KIRREL3: variants seen among roughly 807,000 people sequenced by gnomAD.
KIRREL3 encodes the protein kin of IRRE-like protein 3.
In KIRREL3, 36 loss-of-function variants were observed where a neutral mutation model predicts 89.7. The ratio of observed to expected loss-of-function variants is 0.40; its 90% confidence interval spans 0.31 to 0.53. The LOEUF is 0.53. Ranked by LOEUF, KIRREL3 falls within the 20% of genes least tolerant of loss-of-function variation. The pLI is 0.49. For missense variants in KIRREL3, 864 were observed against 1,056.6 expected, an observed-to-expected ratio of 0.82 and a Z score of 2.53; for synonymous variants, 445 against 441.4, an observed-to-expected ratio of 1.01 and a Z score of -0.10.
intron 1 of KIRREL3, among the ~76,000 whole-genome samples, chr11:126,586,527 C>G (rs1941866568): frequency 6.6e-6 from 1 of 152,088 alleles, no homozygotes; most frequent in Admixed American, 6.5e-5. Flanking sequence ...CAGTTAGAGG[C>G]ATCGGTGTTG....
chr11:126,822,010 T>C (rs1437316295), intron 1 of KIRREL3, among the ~76,000 whole-genome samples: 2 of 152,160 alleles, frequency 1.3e-5, no homozygotes, highest in African/African-American at 2.4e-5. Flanking sequence ...TTAGTGTTGT[T>C]GTGAGTCACC....
chr11:126,838,874 G>A (rs1006817785), intron 1 of KIRREL3, among the ~76,000 whole-genome samples: 2 of 152,146 alleles, frequency 1.3e-5, no homozygotes, highest in Non-Finnish European at 2.9e-5. Flanking sequence ...AGGTAGCAAA[G>A]TCTCCAAACA....
At position 126,796,790 on chromosome 11, in the gene KIRREL3, C is replaced by A; in HGVS notation, c.55+203665G>T. Among the ~76,000 whole-genome samples the A allele has an allele frequency of 6.6e-6, 1 of 152,140 alleles. No homozygotes were observed. Among genetic ancestry groups the A allele is most frequent in the South Asian group, 2.1e-4 (1 of 4,816 alleles). ...TCCCAGGCTGAAGCTATCCTCCTACCTCAGCCTGGCTGATTTTTTCCCACC... is the reference window on the plus strand; with the variant it reads ...TCCCAGGCTGAAGCTATCCTCCTACATCAGCCTGGCTGATTTTTTCCCACC... On this transcript the variant is annotated intron_variant, in intron 1 of 16. Coordinates refer to ENST00000525144, the MANE Select transcript of KIRREL3 (RefSeq NM_032531.4). The surrounding 1 kb of genome is among the most constrained non-coding windows in gnomAD (Gnocchi z 5.1).
intron 1 of KIRREL3, among the ~76,000 whole-genome samples, chr11:126,654,763 T>C (rs938114236): frequency 4.6e-5 from 7 of 152,248 alleles, no homozygotes; most frequent in African/African-American, 9.6e-5. Context: ...ATCTTTTTTC[T>C]ACACTGCTTC....
rs184256040 is a variant in KIRREL3, at chr11:126,669,300, C to A, written c.56-106388G>T. On this transcript the variant is annotated intron_variant, in intron 1 of 16. Transcript: ENST00000525144. The surrounding 1 kb of genome is among the most constrained non-coding windows in gnomAD (Gnocchi z 5.0). ...GGCACTGAGTGAAGTTTTCCTTCAG[C>A]GTATTTCAAACACGTGCAAGATCTT... Among the ~76,000 whole-genome samples the A allele has an allele frequency of 1.3e-3, 194 of 152,266 alleles. No homozygotes were observed. The highest frequency in any genetic ancestry group is 1.9e-3 in the Non-Finnish European group (128 of 68,020).
At chr11:126,794,415 C>T (rs1039137607) in intron 1 of KIRREL3, among the ~76,000 whole-genome samples, 39 of 152,282 alleles carry the variant, frequency 2.6e-4, no homozygotes, top group East Asian at 7.7e-4. Flanking sequence ...CTGCTCTGAG[C>T]GCTTCGTATA....
At chr11:126,713,199 G>A (rs1453152926) in intron 1 of KIRREL3, among the ~76,000 whole-genome samples, 3 of 152,202 alleles carry the variant, frequency 2.0e-5, no homozygotes, top group African/African-American at 7.2e-5. Context: ...TTTAGGGTAC[G>A]GACTGATGCT....
chr11:126,444,811 G>A (rs1055893773), intron 10 of KIRREL3, among the ~76,000 whole-genome samples, 168 bp downstream of exon 10: 1 of 152,220 alleles, frequency 6.6e-6, no homozygotes, highest in African/African-American at 2.4e-5. Context: ...CTCAGCCTGG[G>A]TCTGACGGGG....
At chr11:126,751,532 A>G (rs1464694673) in intron 1 of KIRREL3, among the ~76,000 whole-genome samples, 1 of 152,206 alleles carries the variant, frequency 6.6e-6, no homozygotes, top group East Asian at 1.9e-4. Context: ...ACATCCAGCC[A>G]TTTGTTAAGA....
chr11:126,813,350 A>C (rs946819719), intron 1 of KIRREL3, among the ~76,000 whole-genome samples: 1 of 152,192 alleles, frequency 6.6e-6, no homozygotes, highest in African/African-American at 2.4e-5. Context: ...CCTGTGTATG[A>C]AACAAATGAA....
chr11:126,435,398 G>A (rs1026366492), intron 12 of KIRREL3, 95 bp from the exon 13 acceptor site: 55 of 1,272,508 alleles, frequency 4.3e-5, no homozygotes, highest in Admixed American at 1.1e-4. Flanking sequence ...GCTGGGTGAG[G>A]GGCTCCTTTC....
In KIRREL3 at chr11:126,808,373, G is replaced by T. The variant is rs1951271315; in HGVS notation, c.55+192082C>A. On this transcript the variant is annotated intron_variant, in intron 1 of 16. Coordinates refer to ENST00000525144, the MANE Select transcript of KIRREL3 (RefSeq NM_032531.4). The surrounding 1 kb of genome is among the most constrained non-coding windows in gnomAD (Gnocchi z 4.1). ...GAGTCATTTCAGCAATTTAGTCCTT[G>T]CTCCAGGGCTAACTCCCCCTCCCCT... 6.6e-6 allele frequency among the ~76,000 whole-genome samples: 1 copy of T among 152,134 alleles called. No homozygotes were observed. The highest frequency in any genetic ancestry group is 2.1e-4 in the South Asian group (1 of 4,824).
chr11:126,676,789 T>A lies in KIRREL3; in HGVS notation c.56-113877A>T, dbSNP rs1186345035. 6.6e-6 allele frequency among the ~76,000 whole-genome samples: 1 copy of A among 152,018 alleles called. No homozygotes were observed. Among genetic ancestry groups the A allele is most frequent in the African/African-American group, 2.4e-5 (1 of 41,410 alleles). On this transcript the variant is annotated intron_variant, in intron 1 of 16. Transcript: ENST00000525144. The surrounding 1 kb of genome is among the most constrained non-coding windows in gnomAD (Gnocchi z 4.5). ...TTTATTTTTCTTTAGAGCTGATTTT[T>A]TTTTTTTCCTTTTGAGACAGAGTCT...
At chr11:126,536,746 G>A (rs1398817794) in intron 2 of KIRREL3, among the ~76,000 whole-genome samples, 1 of 146,002 alleles carries the variant, frequency 6.8e-6, no homozygotes, top group Non-Finnish European at 1.5e-5. Flanking sequence ...TTGGATTCAA[G>A]TGATTTTCCT....
At chr11:126,901,943 C>T (rs1414596226) in intron 1 of KIRREL3, among the ~76,000 whole-genome samples, 4 of 152,310 alleles carry the variant, frequency 2.6e-5, no homozygotes, top group East Asian at 1.9e-4. Context: ...CAGGTGGCTT[C>T]GGGCACACCC....
rs1443136585 is a variant in KIRREL3 at position 126,622,046 on chromosome 11, G to C, written c.56-59134C>G. 6.6e-6 allele frequency among the ~76,000 whole-genome samples: 1 copy of C among 152,144 alleles called. No individual in the cohort carries two copies. Among genetic ancestry groups the C allele is most frequent in the Admixed American group, 6.5e-5 (1 of 15,270 alleles). On this transcript the variant is annotated intron_variant, in intron 1 of 16. Coordinates refer to ENST00000525144, the MANE Select transcript of KIRREL3 (RefSeq NM_032531.4). This position sits in a 1 kb window ranked among gnomAD's most constrained non-coding sequence, Gnocchi z 5.2. ...CTGGACAGTTGAGGTGCTGCCCATG[G>C]GCTGGGTGAATGGTGGTGGGTGTGG...
rs548468087 is a variant in KIRREL3, at chr11:126,994,003, C to A, written c.55+6452G>T. On this transcript the variant is annotated intron_variant, in intron 1 of 16. Transcript: ENST00000525144. The surrounding 1 kb of genome is among the most constrained non-coding windows in gnomAD (Gnocchi z 5.2). ...TCAGCATGATGCGCACACATCCTTT[C>A]TTATACTGACATACATAGGCCATCC... Among the ~76,000 whole-genome samples the A allele has an allele frequency of 8.0e-4, 122 of 152,142 alleles. No individual in the cohort carries two copies. Among genetic ancestry groups the A allele is most frequent in the African/African-American group, 2.9e-3 (119 of 41,488 alleles).
intron 4 of KIRREL3, among the ~76,000 whole-genome samples, chr11:126,510,039 A>G (rs544680884): frequency 6.6e-6 from 1 of 151,854 alleles, no homozygotes; most frequent in Non-Finnish European, 1.5e-5. Context: ...AAAAAGAAAA[A>G]AAAGAAAACA....
At chr11:126,938,752 A>C (rs1319489991) in intron 1 of KIRREL3, among the ~76,000 whole-genome samples, 1 of 152,210 alleles carries the variant, frequency 6.6e-6, no homozygotes, top group Non-Finnish European at 1.5e-5. Flanking sequence ...GTTTACAACC[A>C]CTTTTGTATC....
Sources: gnomAD v4.1 joint callset for allele counts (sites outside exome capture counted in the v4.1 genomes callset) on GRCh38, gnomAD v4.1.1 for gene constraint, Gnocchi (gnomAD v3.1) non-coding constraint, MANE v1.5 for transcripts, NCBI Gene and HGNC (gene_info 2026-07-23, HGNC 2026-07-21) for gene names.